MEFV: variants seen among roughly 807,000 people sequenced by gnomAD.
MEFV encodes MEFV innate immunity regulator, pyrin.
In MEFV, 60 loss-of-function variants were observed where a neutral mutation model predicts 62.5. The observed-to-expected ratio is 0.96, with a 90% CI of 0.78 to 1.19. MEFV has a LOEUF of 1.19. Ranked by LOEUF, MEFV falls within the 50% of genes most tolerant of loss-of-function variation. MEFV has a pLI of 0.00. For missense variants in MEFV, 1,169 were observed against 1,004.5 expected, an observed-to-expected ratio of 1.16 and a Z score of -2.21; for synonymous variants, 500 against 415.2, an observed-to-expected ratio of 1.20 and a Z score of -2.48.
rs104895199 is a variant in MEFV, at chr16:3,247,065, A to G, written c.1538T>C (p.Ile513Thr). Residue 513 changes from isoleucine (I) to threonine (T), a missense_variant, in exon 5 of 10, where the codon ATT becomes ACT. Transcript: ENST00000219596. ...SQDIALLDAL[I>T]GELEAKECQS... ...GCACTCCTTGGCCTCCAGTTCCCCA[A>G]TCAGCGCATCGAGCAGGGCGATGTC... The G allele has an allele frequency of 3.7e-6, 6 of 1,614,172 alleles. No individual in the cohort carries two copies. Among genetic ancestry groups the G allele is most frequent in the Admixed American group, 1.7e-5 (1 of 60,012 alleles).
chr16:3,249,678 A>G lies in MEFV; in HGVS notation c.1013T>C (p.Val338Ala). Residue 338 changes from valine (V) to alanine (A), a missense_variant, in exon 3 of 10, where the codon GTT (valine) becomes GCT (alanine). Transcript: ENST00000219596. ...VRDSCSFPEAVSGHPQASGSR... is the reference protein window; with the variant it reads ...VRDSCSFPEAASGHPQASGSR... ...GCCTGAGGCCTGGGGGTGCCCAGAAACTGCCTCGGGGAAGCTGCAGGAATC... is the reference window on the plus strand; with the variant it reads ...GCCTGAGGCCTGGGGGTGCCCAGAAGCTGCCTCGGGGAAGCTGCAGGAATC... The G allele has an allele frequency of 1.2e-6, 2 of 1,612,874 alleles. No individual in the cohort carries two copies. Among genetic ancestry groups the G allele is most frequent in the Non-Finnish European group, 1.7e-6 (2 of 1,179,086 alleles).
chr16:3,244,846 ATAT>A, intron 6 of MEFV, among the ~76,000 whole-genome samples: 1 of 152,318 alleles, frequency 6.6e-6, no homozygotes, highest in Admixed American at 6.5e-5. Context: ...AATGACATTG[ATAT>A]TATCTACTAG....
chr16:3,244,096 C>T (rs572084690), intron 8 of MEFV, 158 bp downstream of exon 8: 24 of 1,552,382 alleles, frequency 1.5e-5, no homozygotes, highest in South Asian at 9.5e-5. Flanking sequence ...CAATGAGTCA[C>T]GCACAGAGCC....
intron 6 of MEFV, among the ~76,000 whole-genome samples, chr16:3,245,933 A>T (rs938386358): frequency 6.6e-5 from 10 of 152,362 alleles, no homozygotes; most frequent in African/African-American, 2.4e-4. Context: ...GATATCCATG[A>T]ATGGATAAGC....
At chr16:3,245,035 C>G (rs1195139333) in intron 6 of MEFV, among the ~76,000 whole-genome samples, 2 of 152,164 alleles carry the variant, frequency 1.3e-5, no homozygotes, top group Non-Finnish European at 1.5e-5. Context: ...GCCTGTAATC[C>G]TAGCACTTCA....
At chr16:3,256,014 G>A (rs557920728) in intron 1 of MEFV, among the ~76,000 whole-genome samples, 3 of 152,238 alleles carry the variant, frequency 2.0e-5, no homozygotes, top group South Asian at 4.1e-4. Flanking sequence ...TCTGACATGA[G>A]TATTAATCAT....
In MEFV at chr16:3,249,600, G is replaced by A. The variant is rs104895214; in HGVS notation, c.1091C>T (p.Pro364Leu). The change falls in exon 3 of 10, where the codon CCG (proline) becomes CTG (leucine). Residue 364 changes from proline to leucine, a missense_variant. Pro to Leu is a moderately conservative substitution (Grantham distance 98, BLOSUM62 -3). Transcript: ENST00000219596. The part of the protein sequence containing the change: ...RCQDSHERKS[P>L]GSLSPQPLPQ... ...CAGGGGCTGGGGGCTTAGGCTTCCC[G>A]GGCTCTTCCTTTCATGGGAGTCCTG... is the stretch of plus-strand genomic sequence containing the variant. 2.6e-5 allele frequency: 42 copies of A among 1,614,006 alleles called. No homozygotes were observed. The highest frequency in any genetic ancestry group is 5.5e-5 in the South Asian group (5 of 91,088).
In MEFV at chr16:3,254,152, A is replaced by G. The variant is rs375383402; in HGVS notation, c.910+6T>C. 4.3e-6 allele frequency: 7 copies of G among 1,613,676 alleles called. No individual in the cohort carries two copies. The highest frequency in any genetic ancestry group is 3.3e-5 in the South Asian group (3 of 91,068). On this transcript the variant is annotated splice_donor_region_variant and intron_variant, in intron 2 of 9. Coordinates refer to ENST00000219596, the MANE Select transcript of MEFV (RefSeq NM_000243.3). ...CCGATATAAAGTAGGAAAGAACACA[A>G]TTTACCGGTGACCGAATGTTCTGGA...
chr16:3,255,473 A>G (rs1959103517), intron 1 of MEFV, among the ~76,000 whole-genome samples: 1 of 151,996 alleles, frequency 6.6e-6, no homozygotes, highest in South Asian at 2.1e-4. Flanking sequence ...AGCTCACTGC[A>G]ACCTCTGCCT....
rs1371766377 is a variant in MEFV at position 3,249,666 on chromosome 16, G to A, written c.1025C>T (p.Pro342Leu). 1 of 1,613,204 alleles carries A rather than the reference G, an allele frequency of 6.2e-7. No individual in the cohort carries two copies. The highest frequency in any genetic ancestry group is 1.7e-5 in the Admixed American group (1 of 59,968). ...AGGTGAGCGGCTGCCTGAGGCCTGG[G>A]GGTGCCCAGAAACTGCCTCGGGGAA... ...CSFPEAVSGH[P>L]QASGSRSPGC... The change falls in exon 3 of 10, where the codon CCC (proline) becomes CTC (leucine). Residue 342 changes from proline to leucine, a missense_variant. Pro to Leu is a moderately conservative substitution (Grantham distance 98). Transcript: ENST00000219596.
At position 3,247,009 on chromosome 16, in the gene MEFV, C is replaced by T. The variant is rs375555497; in HGVS notation, c.1587+7G>A. On this transcript the variant is annotated splice_region_variant and intron_variant, in intron 5 of 9. Transcript: ENST00000219596. ...GACCCAAGAAAGCCGGGCCCAGGCA[C>T]ACCCACCTGCAGAAGTTCCCATTCT... 100 of 1,613,842 alleles carry T rather than the reference C, an allele frequency of 6.2e-5. 1 individual carries two copies. Among genetic ancestry groups the T allele is most frequent in the Admixed American group, 1.2e-4 (7 of 60,014 alleles).
At position 3,243,663 on chromosome 16, in the gene MEFV, G is replaced by A. The variant is rs756469485; in HGVS notation, c.1824C>T (p.Tyr608=). The change falls in exon 10 of 10, where the codon TAC becomes TAT. Residue 608 remains tyrosine (Y), a synonymous_variant. Coordinates refer to ENST00000219596, the MANE Select transcript of MEFV (RefSeq NM_000243.3). The part of the protein sequence containing the change: ...VNVILDAETA[Y]PNLIFSDDLK... The stretch of plus-strand genomic sequence containing the variant: ...GATCATCAGAGAAGATGAGGTTGGG[G>A]TAAGCGGTTTCTGCATCCAGAATCA... 4 of 1,606,384 alleles carry A rather than the reference G, an allele frequency of 2.5e-6. No homozygotes were observed. The highest frequency in any genetic ancestry group is 1.1e-5 in the South Asian group (1 of 89,958).
At position 3,244,563 on chromosome 16, in the gene MEFV, T is replaced by C; in HGVS notation, c.1636A>G (p.Lys546Glu). The stretch of plus-strand genomic sequence containing the variant: ...TTTATCTCTTGAGGAGTGGTCCACT[T>C]TTCAGGGACAGGCACTGTCTTAGCC... Reference protein sequence around the residue: ...HRAKTVPVPEKWTTPQEIKQK... With the variant: ...HRAKTVPVPEEWTTPQEIKQK... The change falls in exon 7 of 10, where the codon AAG becomes GAG. Residue 546 changes from lysine to glutamate, a missense_variant. By Grantham distance (56) the Lys-to-Glu change is moderately conservative. Coordinates refer to ENST00000219596, the MANE Select transcript of MEFV (RefSeq NM_000243.3). 1 of 1,614,058 alleles carries C rather than the reference T, an allele frequency of 6.2e-7. No individual in the cohort carries two copies. Among genetic ancestry groups the C allele is most frequent in the South Asian group, 1.1e-5 (1 of 91,082 alleles).
At chr16:3,253,035 C>T (rs1275785906) in intron 2 of MEFV, among the ~76,000 whole-genome samples, 3 of 150,714 alleles carry the variant, frequency 2.0e-5, no homozygotes, top group Non-Finnish European at 4.4e-5. Flanking sequence ...TGGATAGCCT[C>T]GGTACCCTCT....
chr16:3,253,440 C>T (rs1310411055), intron 2 of MEFV, among the ~76,000 whole-genome samples: 1 of 152,114 alleles, frequency 6.6e-6, no homozygotes, highest in Admixed American at 6.6e-5. Flanking sequence ...AGGTGAGCTC[C>T]CCTTCTCCAT....
rs1318829462 is a variant in MEFV at position 3,244,039 on chromosome 16, G to A, written c.1760-147C>T. On this transcript the variant is annotated intron_variant, in intron 8 of 9. Transcript: ENST00000219596. ...GTTGGGTATAATCCCGTTCCTCCCAGGAACCCAGGCCATGTTGGGGACTGT... is the reference window on the plus strand; with the variant it reads ...GTTGGGTATAATCCCGTTCCTCCCAAGAACCCAGGCCATGTTGGGGACTGT... 2.6e-6 allele frequency: 4 copies of A among 1,552,612 alleles called. No individual in the cohort carries two copies. The African/African-American group carries it at 4.1e-5, about 16-fold the overall frequency.
chr16:3,243,859 C>G lies in MEFV; in HGVS notation c.1792+1G>C. 6.2e-7 allele frequency: 1 copy of G among 1,613,862 alleles called. No individual in the cohort carries two copies. The highest frequency in any genetic ancestry group is 8.5e-7 in the Non-Finnish European group (1 of 1,179,980). ...CCACTTGCCTTGATCTGGGCACTTA[C>G]CAGCATGTGCCTGAGCGCCAATCAG... On this transcript the variant is annotated splice_donor_variant, in intron 9 of 9. Coordinates refer to ENST00000219596, the MANE Select transcript of MEFV (RefSeq NM_000243.3). LOFTEE classifies it high-confidence loss of function.
At chr16:3,246,745 C>T (rs1022913367) in intron 5 of MEFV, among the ~76,000 whole-genome samples, 198 bp from the exon 6 acceptor site, 1 of 152,132 alleles carries the variant, frequency 6.6e-6, no homozygotes, top group African/African-American at 2.4e-5. Flanking sequence ...TCCCAGGTGG[C>T]GAGGCCTGCA....
intron 2 of MEFV, among the ~76,000 whole-genome samples, chr16:3,251,455 C>CA (rs1210067413): frequency 2.0e-5 from 3 of 152,164 alleles, no homozygotes; most frequent in Non-Finnish European, 2.9e-5. Context: ...AGAGCAACAG[C>CA]AGGACCCCAG....
Sources: allele counts gnomAD v4.1 joint callset (sites outside exome capture counted in the v4.1 genomes callset), GRCh38; gene constraint gnomAD v4.1.1; transcripts MANE v1.5; gene names NCBI Gene and HGNC (gene_info 2026-07-23, HGNC 2026-07-21).